Variants in GRHL3 observed in about 807,000 individuals in gnomAD.
The protein encoded by GRHL3 is grainyhead-like protein 3 homolog.
GRHL3 carries 20 observed loss-of-function variants against 70.3 expected under a neutral mutation model. That is an observed-to-expected ratio of 0.28 (90% CI 0.20 to 0.41). GRHL3 has a LOEUF of 0.41. Among genes scored for constraint, GRHL3 ranks in the 10% least tolerant of loss-of-function variants. GRHL3 has a pLI of 1.00. For missense variants in GRHL3, 637 were observed against 762.3 expected (o/e 0.84, Z 1.94); for synonymous variants, 299 against 299.9 (o/e 1.00, Z 0.03).
At chr1:24,362,193 G>A (rs769289328) in intron 15 of GRHL3, among the ~76,000 whole-genome samples, 94 of 152,330 alleles carry the variant, frequency 6.2e-4, no homozygotes, top group Middle Eastern at 6.8e-3. Context: ...CTGCACTTTA[G>A]CCAACAACTT....
At chr1:24,339,081 A>G (rs1192099987) in intron 7 of GRHL3, among the ~76,000 whole-genome samples, 2 of 152,184 alleles carry the variant, frequency 1.3e-5, no homozygotes, top group African/African-American at 4.8e-5. Context: ...TGAAAAGTAT[A>G]ACCTCTACCC....
chr1:24,332,895 C>T (rs552357490), intron 2 of GRHL3, among the ~76,000 whole-genome samples: 5 of 152,318 alleles, frequency 3.3e-5, no homozygotes, highest in Admixed American at 2.6e-4. Flanking sequence ...CCCTACCTCC[C>T]TCCTCCCCGG....
At chr1:24,362,272 T>C (rs988477781) in intron 15 of GRHL3, among the ~76,000 whole-genome samples, 2 of 152,226 alleles carry the variant, frequency 1.3e-5, no homozygotes, top group South Asian at 4.1e-4. Context: ...TCTAAAAATG[T>C]TGGTGTCCGG....
chr1:24,364,372 C>G (rs1459625660), exon 16 of GRHL3: 14 of 1,537,448 alleles, frequency 9.1e-6, no homozygotes, highest in Non-Finnish European at 1.2e-5. Context: ...CTCGGAATGA[C>G]ACACCCACCT....
chr1:24,337,890 G>C lies in GRHL3; in HGVS notation c.840+101G>C, dbSNP rs1489399732. ...CCTGGGGAAAGGCTGTTTGATAATA[G>C]CCCATTGCCACAGGGTTGGGGAAAC... On this transcript the variant is annotated intron_variant, in intron 6 of 15. Coordinates refer to ENST00000361548, the MANE Select transcript of GRHL3 (RefSeq NM_198173.3). The C allele has an allele frequency of 3.2e-6, 5 of 1,567,180 alleles. No individual in the cohort carries two copies. In the Admixed American group the frequency reaches 6.9e-5, roughly 22 times the overall value.
intron 1 of GRHL3, among the ~76,000 whole-genome samples, chr1:24,327,881 A>C (rs891061527): frequency 1.3e-5 from 2 of 152,206 alleles, no homozygotes; most frequent in African/African-American, 4.8e-5. Context: ...CAGAGAGCCA[A>C]AAGTTCTTGG....
chr1:24,345,839 A>G (rs74062157), intron 12 of GRHL3, among the ~76,000 whole-genome samples: 5,214 of 152,288 alleles, frequency 0.034, 298 homozygotes, highest in African/African-American at 0.12. Context: ...CGGTGTGGAT[A>G]TGGAATCTTC....
intron 1 of GRHL3, among the ~76,000 whole-genome samples, chr1:24,324,688 C>A (rs1419136079): frequency 1.1e-4 from 17 of 152,302 alleles, no homozygotes; most frequent in Non-Finnish European, 1.8e-4. Context: ...TTAGCATTCT[C>A]ATTGCCTCAC....
At chr1:24,350,471 C>T (rs1640460680) in intron 15 of GRHL3, among the ~76,000 whole-genome samples, 1 of 152,216 alleles carries the variant, frequency 6.6e-6, no homozygotes, top group Non-Finnish European at 1.5e-5. Flanking sequence ...CTTGAGCACT[C>T]ACTATGTGTC....
At chr1:24,319,760 C>T (rs1294312023) in intron 1 of GRHL3, 192 bp downstream of exon 1, 2 of 1,474,678 alleles carry the variant, frequency 1.4e-6, no homozygotes, top group African/African-American at 2.8e-5. Flanking sequence ...GAGTGTTTCC[C>T]TGGGAAAATA....
In GRHL3 at chr1:24,334,537, C is replaced by A; in HGVS notation, c.205-108C>A. ...GATTTGGGTGGGGACACAGCCGAAC[C>A]ATATCACCAAAGTTACTCCCCTGCC... is the stretch of plus-strand genomic sequence containing the variant. On this transcript the variant is annotated intron_variant, in intron 2 of 15. Coordinates refer to ENST00000361548, the MANE Select transcript of GRHL3 (RefSeq NM_198173.3). The surrounding 1 kb of genome is among the most constrained non-coding windows in gnomAD (Gnocchi z 4.3). The A allele has an allele frequency of 1.3e-6, 1 of 790,664 alleles. No homozygotes were observed. Among genetic ancestry groups the A allele is most frequent in the Non-Finnish European group, 2.2e-6 (1 of 456,162 alleles). The allele number at this position is 790,664 out of a possible 1,614,324, so 49.0% of individuals were successfully genotyped here.
In GRHL3 at chr1:24,319,581, C is replaced by G; in HGVS notation, c.17+13C>G. 3 of 1,613,768 alleles carry G rather than the reference C, an allele frequency of 1.9e-6. No homozygotes were observed. The highest frequency in any genetic ancestry group is 2.5e-6 in the Non-Finnish European group (3 of 1,179,882). ...CGAATGAACTTGAGTGAGTAAACAT[C>G]GGTGGATACCTGCCGCTCTCAGAGC... On this transcript the variant is annotated intron_variant, in intron 1 of 15. Coordinates refer to ENST00000361548, the MANE Select transcript of GRHL3 (RefSeq NM_198173.3).
At chr1:24,346,908 T>C (rs1394109825) in intron 13 of GRHL3, among the ~76,000 whole-genome samples, 1 of 152,174 alleles carries the variant, frequency 6.6e-6, no homozygotes, top group African/African-American at 2.4e-5. Flanking sequence ...CTGATTATGC[T>C]GGGCGAGTCC....
At chr1:24,329,447 A>G (rs776191048) in intron 1 of GRHL3, among the ~76,000 whole-genome samples, 12 of 152,240 alleles carry the variant, frequency 7.9e-5, no homozygotes, top group Non-Finnish European at 1.6e-4. Context: ...TTCTGCTGTG[A>G]TAAAGACTGC....
chr1:24,349,779 G>A (rs995880695), intron 14 of GRHL3, among the ~76,000 whole-genome samples: 1 of 152,178 alleles, frequency 6.6e-6, no homozygotes, highest in Non-Finnish European at 1.5e-5. Context: ...AGGATGATAA[G>A]TAAAAAGATA....
chr1:24,361,137 G>T, intron 15 of GRHL3: 3 of 1,165,918 alleles, frequency 2.6e-6, no homozygotes, highest in Non-Finnish European at 2.4e-6. Flanking sequence ...GCAGCAAGCT[G>T]TCTGGAAGAG....
intron 15 of GRHL3, among the ~76,000 whole-genome samples, chr1:24,363,314 A>T (rs552605248): frequency 1.3e-5 from 2 of 152,274 alleles, no homozygotes; most frequent in East Asian, 3.9e-4. Context: ...AGCACTATGG[A>T]TCTTTCATGA....
At chr1:24,320,527 G>T (rs755202163) in intron 1 of GRHL3, among the ~76,000 whole-genome samples, 2 of 152,162 alleles carry the variant, frequency 1.3e-5, no homozygotes, top group Admixed American at 1.3e-4. Context: ...TTAAACACAG[G>T]CTCTCCTTTT....
intron 2 of GRHL3, 86 bp downstream of exon 2, chr1:24,331,698 C>A: frequency 3.5e-6 from 4 of 1,147,802 alleles, no homozygotes; most frequent in Non-Finnish European, 5.0e-6. Flanking sequence ...CCCACCATGA[C>A]CACCCCAGCC....
Sources: gnomAD v4.1 joint callset for allele counts (sites outside exome capture counted in the v4.1 genomes callset) on GRCh38, gnomAD v4.1.1 for gene constraint, Gnocchi (gnomAD v3.1) non-coding constraint, MANE v1.5 for transcripts, NCBI Gene and HGNC (gene_info 2026-07-23, HGNC 2026-07-21) for gene names.